The following CHSY3 variants were observed in gnomAD, a reference collection of about 807,000 sequenced individuals.
The protein encoded by CHSY3 is chondroitin sulfate synthase 3.
In CHSY3, 35 loss-of-function variants were observed where a neutral mutation model predicts 67.2. The observed-to-expected ratio is 0.52, with a 90% CI of 0.40 to 0.69. CHSY3 has a LOEUF of 0.69. Among genes scored for constraint, CHSY3 ranks in the 30% least tolerant of loss-of-function variants. The pLI is 0.00. For synonymous variants in CHSY3, 474 were observed against 434.7 expected (o/e 1.09, Z -1.12); for missense variants, 1,069 against 1,138.5 (o/e 0.94, Z 0.88).
intron 2 of CHSY3, among the ~76,000 whole-genome samples, chr5:130,079,510 T>C (rs564948720): frequency 6.6e-6 from 1 of 152,204 alleles, no homozygotes; most frequent in Admixed American, 6.6e-5. Context: ...ATGATTTCAG[T>C]GAATGCTGTC....
chr5:130,017,759 A>G (rs1764255574), intron 2 of CHSY3, among the ~76,000 whole-genome samples: 1 of 152,128 alleles, frequency 6.6e-6, no homozygotes, highest in South Asian at 2.1e-4. Flanking sequence ...CAATATATAA[A>G]GTTAATAAAA....
chr5:129,976,929 TA>T (rs1762827593), intron 2 of CHSY3, among the ~76,000 whole-genome samples: 1 of 150,694 alleles, frequency 6.6e-6, no homozygotes, highest in South Asian at 2.1e-4. Flanking sequence ...TATATATATA[TA>T]TATGATATTA....
At chr5:130,076,606 A>G (rs188561572) in intron 2 of CHSY3, among the ~76,000 whole-genome samples, 17 of 151,904 alleles carry the variant, frequency 1.1e-4, no homozygotes, top group African/African-American at 3.6e-4. Flanking sequence ...TGCACACTTC[A>G]TATGTTCTCT....
At chr5:130,136,282 C>A (rs1246445132) in intron 2 of CHSY3, among the ~76,000 whole-genome samples, 3 of 152,150 alleles carry the variant, frequency 2.0e-5, no homozygotes, top group Non-Finnish European at 2.9e-5. Flanking sequence ...AGGAATAAGT[C>A]ACTCCAAGGC....
intron 2 of CHSY3, among the ~76,000 whole-genome samples, chr5:130,086,464 T>C (rs1431591144): frequency 6.6e-6 from 1 of 152,078 alleles, no homozygotes; most frequent in Admixed American, 6.6e-5. Flanking sequence ...ATTTGCTTGG[T>C]AGATCTTCCT....
chr5:129,966,540 A>G (rs1445227161), intron 2 of CHSY3, among the ~76,000 whole-genome samples: 1 of 151,820 alleles, frequency 6.6e-6, no homozygotes, highest in Non-Finnish European at 1.5e-5. Context: ...TTTTAATGAA[A>G]AATAAGTAAA....
At chr5:129,949,007 G>A (rs1761946225) in intron 2 of CHSY3, among the ~76,000 whole-genome samples, 1 of 152,096 alleles carries the variant, frequency 6.6e-6, no homozygotes, top group Admixed American at 6.6e-5. Context: ...CCACTCTATG[G>A]GTTGTCTGTT....
chr5:129,932,269 C>T (rs1018070484), intron 2 of CHSY3, among the ~76,000 whole-genome samples: 7 of 151,348 alleles, frequency 4.6e-5, no homozygotes, highest in African/African-American at 1.2e-4. Context: ...GAAATTCTAG[C>T]AGGAGTTGAT....
At chr5:129,964,141 C>G (rs1375991244) in intron 2 of CHSY3, among the ~76,000 whole-genome samples, 1 of 151,802 alleles carries the variant, frequency 6.6e-6, no homozygotes, top group Non-Finnish European at 1.5e-5. Context: ...TACTCTAGGG[C>G]CAGGATTTTA....
At chr5:129,917,458 TCA>T (rs1760765943) in intron 2 of CHSY3, among the ~76,000 whole-genome samples, 1 of 152,222 alleles carries the variant, frequency 6.6e-6, no homozygotes, top group Non-Finnish European at 1.5e-5. Context: ...GAGTAATGTC[TCA>T]CAGTGTTAAG....
chr5:130,115,794 C>T (rs901256491), intron 2 of CHSY3, among the ~76,000 whole-genome samples: 3 of 152,144 alleles, frequency 2.0e-5, no homozygotes, highest in Non-Finnish European at 4.4e-5. Context: ...TGAGCTCAGC[C>T]GGATTACATA....
chr5:129,908,491 G>A (rs1760406013), intron 2 of CHSY3, 131 bp downstream of exon 2: 2 of 1,362,080 alleles, frequency 1.5e-6, no homozygotes, highest in Non-Finnish European at 9.8e-7. Context: ...CAGCCCTTAA[G>A]GGATACAAGA....
chr5:130,106,309 A>G (rs1767412631), intron 2 of CHSY3, among the ~76,000 whole-genome samples: 1 of 151,486 alleles, frequency 6.6e-6, no homozygotes, highest in Non-Finnish European at 1.5e-5. Flanking sequence ...CTGCTTTTGG[A>G]TGGTGTAAAA....
At chr5:130,120,486 G>GAAAAAAAAAAAAAAAAAAA (rs34727574) in intron 2 of CHSY3, among the ~76,000 whole-genome samples, 2 of 95,836 alleles carry the variant, frequency 2.1e-5, no homozygotes. Flanking sequence ...ATTTCTGAAA[G>GAAAAAAAAAAAAAAAAAAA]AAAAAAAAAA....
At chr5:130,002,394 T>C (rs533383695) in intron 2 of CHSY3, among the ~76,000 whole-genome samples, 136 of 152,340 alleles carry the variant, frequency 8.9e-4, no homozygotes, top group Middle Eastern at 3.4e-3. Context: ...CTTTTCTGGA[T>C]GTGCCCCAGT....
At position 129,908,124 on chromosome 5, in the gene CHSY3, C is replaced by A. The variant is rs754142625; in HGVS notation, c.850C>A (p.Leu284Ile). The change falls in exon 2 of 3, where the codon CTC (leucine) becomes ATC (isoleucine). Residue 284 changes from leucine to isoleucine, a missense_variant. Leu to Ile is a conservative substitution (Grantham distance 5). Around this residue, in one of 5 missense-constraint regions of CHSY3, gnomAD observed 216 missense variants for 311.5 expected, o/e 0.69. Coordinates refer to ENST00000305031, the MANE Select transcript of CHSY3 (RefSeq NM_175856.5). ...TAGATCGCTAAACAGCAGTAAGCCTCTCTACCTGGGACAGACTGGCCTGGG... is the reference window on the plus strand; with the variant it reads ...TAGATCGCTAAACAGCAGTAAGCCTATCTACCTGGGACAGACTGGCCTGGG... Reference protein sequence around the residue: ...FLRSLNSSKPLYLGQTGLGNI... With the variant: ...FLRSLNSSKPIYLGQTGLGNI... 1 of 1,614,174 alleles carries A rather than the reference C, an allele frequency of 6.2e-7. No individual in the cohort carries two copies. The highest frequency in any genetic ancestry group is 1.1e-5 in the South Asian group (1 of 91,070).
At chr5:129,977,118 A>G (rs1286705092) in intron 2 of CHSY3, among the ~76,000 whole-genome samples, 1 of 152,126 alleles carries the variant, frequency 6.6e-6, no homozygotes, top group Non-Finnish European at 1.5e-5. Context: ...CTTTACTTAG[A>G]AGAAAGTCAG....
At chr5:130,113,077 T>A (rs578045590) in intron 2 of CHSY3, among the ~76,000 whole-genome samples, 35 of 151,786 alleles carry the variant, frequency 2.3e-4, no homozygotes, top group African/African-American at 8.5e-4. Context: ...TGGAATTTTG[T>A]GATCATGAGT....
chr5:130,082,079 C>A (rs1561528065), intron 2 of CHSY3, among the ~76,000 whole-genome samples: 1 of 151,994 alleles, frequency 6.6e-6, no homozygotes, highest in Non-Finnish European at 1.5e-5. Flanking sequence ...CTGGTGTGCA[C>A]ATTATGGGAG....
Sources: gnomAD v4.1 joint callset for allele counts (sites outside exome capture counted in the v4.1 genomes callset) on GRCh38, gnomAD v4.1.1 for gene constraint, gnomAD v4.1.1 regional missense constraint, MANE v1.5 for transcripts, NCBI Gene and HGNC (gene_info 2026-07-23, HGNC 2026-07-21) for gene names.